Variants in HOMER2 observed in about 807,000 individuals in gnomAD.
HOMER2 encodes homer protein homolog 2.
Under a neutral mutation model 47.0 loss-of-function variants are expected in HOMER2, and 27 were observed. That is an observed-to-expected ratio of 0.57 (90% CI 0.42 to 0.79). HOMER2 has a LOEUF of 0.79. Ranked by LOEUF, HOMER2 falls within the 30% of genes least tolerant of loss-of-function variation. HOMER2 has a pLI of 0.00. For missense variants in HOMER2, 443 were observed against 435.0 expected (o/e 1.02, Z -0.16); for synonymous variants, 161 against 163.8 (o/e 0.98, Z 0.13).
At chr15:82,946,747 C>T (rs1010037966) in intron 1 of HOMER2, among the ~76,000 whole-genome samples, 1 of 152,138 alleles carries the variant, frequency 6.6e-6, no homozygotes, top group Non-Finnish European at 1.5e-5. Context: ...TCATTCACAC[C>T]TATTTACACA....
intron 4 of HOMER2, among the ~76,000 whole-genome samples, chr15:82,860,805 C>T (rs1352862177): frequency 6.6e-6 from 1 of 151,868 alleles, no homozygotes; most frequent in Non-Finnish European, 1.5e-5. Context: ...GACATGGTGG[C>T]AGGCGCCTGT....
chr15:82,933,991 C>T (rs2054079716), intron 1 of HOMER2, among the ~76,000 whole-genome samples: 1 of 152,130 alleles, frequency 6.6e-6, no homozygotes, highest in Non-Finnish European at 1.5e-5. Flanking sequence ...CCGGTCCTTC[C>T]CGCTCCCTAT....
intron 1 of HOMER2, among the ~76,000 whole-genome samples, chr15:82,920,952 C>T (rs1264779130): frequency 2.0e-5 from 3 of 151,478 alleles, no homozygotes; most frequent in African/African-American, 7.3e-5. Context: ...CTAGGAGCTG[C>T]GACTACCACA....
rs864309524 is a variant in HOMER2 at position 82,854,741 on chromosome 15, C to T, written c.554G>A (p.Arg185Gln). Reference sequence around the variant, plus strand: ...CGACTCCTGCAGTGCTGTGGTCAGCCGTGCATTGCTCTCCCGAAGGGTCTG... The same window carrying T: ...CGACTCCTGCAGTGCTGTGGTCAGCTGTGCATTGCTCTCCCGAAGGGTCTG... ...ELQTLRESNA[R>Q]LTTALQESAA... is the part of the protein sequence containing the mutation. Residue 185 changes from arginine (R) to glutamine (Q), a missense_variant, in exon 6 of 9, where the codon CGG becomes CAG. Coordinates refer to ENST00000450735, the MANE Select transcript of HOMER2 (RefSeq NM_004839.4). The T allele has an allele frequency of 3.7e-6, 6 of 1,612,370 alleles. No homozygotes were observed. Among genetic ancestry groups the T allele is most frequent in the South Asian group, 1.1e-5 (1 of 91,078 alleles).
chr15:82,929,721 C>G (rs1455532180), intron 1 of HOMER2, among the ~76,000 whole-genome samples: 1 of 149,646 alleles, frequency 6.7e-6, no homozygotes, highest in Non-Finnish European at 1.5e-5. Context: ...TACAGGTATG[C>G]TAACACAGTT....
At chr15:82,933,843 G>C (rs192229900) in intron 1 of HOMER2, among the ~76,000 whole-genome samples, 2 of 152,058 alleles carry the variant, frequency 1.3e-5, no homozygotes, top group Non-Finnish European at 2.9e-5. Flanking sequence ...TCACACTCAC[G>C]AAAGACCCGC....
chr15:82,931,096 C>T (rs567904418), intron 1 of HOMER2, among the ~76,000 whole-genome samples: 4 of 148,844 alleles, frequency 2.7e-5, no homozygotes, highest in African/African-American at 1.0e-4. Context: ...GAACAAGACA[C>T]TGTATCAAAA....
At chr15:82,897,811 G>T (rs1445868856) in intron 1 of HOMER2, among the ~76,000 whole-genome samples, 1 of 152,180 alleles carries the variant, frequency 6.6e-6, no homozygotes, top group African/African-American at 2.4e-5. Flanking sequence ...GAGCTTGGAA[G>T]CAGATCTTTC....
chr15:82,903,877 C>T (rs2053207501), intron 1 of HOMER2, among the ~76,000 whole-genome samples: 1 of 152,096 alleles, frequency 6.6e-6, no homozygotes, highest in African/African-American at 2.4e-5. Flanking sequence ...TGGCTCATGC[C>T]TGTAATCCCA....
intron 1 of HOMER2, among the ~76,000 whole-genome samples, chr15:82,983,065 A>G (rs2151265463): frequency 6.6e-6 from 1 of 152,346 alleles, no homozygotes; most frequent in African/African-American, 2.4e-5. Context: ...TCTACCAAAC[A>G]TCATAGCTTA....
chr15:82,984,307 C>T (rs561048297), intron 1 of HOMER2, among the ~76,000 whole-genome samples: 17 of 152,256 alleles, frequency 1.1e-4, no homozygotes, highest in African/African-American at 3.9e-4. Context: ...GCTGGGATTA[C>T]AGGCGTGAGC....
At chr15:82,931,957 G>A (rs2054022532) in intron 1 of HOMER2, among the ~76,000 whole-genome samples, 1 of 152,200 alleles carries the variant, frequency 6.6e-6, no homozygotes, top group Non-Finnish European at 1.5e-5. Context: ...TAAATTTACT[G>A]AATCTGATTC....
At chr15:82,974,353 G>A (rs774746928) in intron 1 of HOMER2, among the ~76,000 whole-genome samples, 3 of 151,118 alleles carry the variant, frequency 2.0e-5, no homozygotes, top group African/African-American at 7.3e-5. Flanking sequence ...GCAGTGAGCC[G>A]AGATCGCGCC....
intron 3 of HOMER2, among the ~76,000 whole-genome samples, chr15:82,869,782 A>G (rs145971251): frequency 6.6e-6 from 1 of 152,124 alleles, no homozygotes; most frequent in Non-Finnish European, 1.5e-5. Flanking sequence ...TGATCGCTAC[A>G]TATTACCCTG....
intron 2 of HOMER2, among the ~76,000 whole-genome samples, chr15:82,879,348 T>A (rs79139720): frequency 2.4e-3 from 366 of 152,250 alleles, no homozygotes; most frequent in African/African-American, 8.2e-3. Flanking sequence ...ATACAAAAAT[T>A]AGCAGGGCAT....
rs1017361766 is a variant in HOMER2 at position 82,952,639 on chromosome 15, C to T, written c.-104G>A. On this transcript the variant is annotated 5_prime_UTR_variant, in exon 1 of 9. Transcript: ENST00000450735. ...CGGCACATGCGGCGGCCCGTGCGCG[C>T]CCGGCTCAGCCCCGGCGCCGCTCCA... is the stretch of plus-strand genomic sequence containing the variant. The T allele has an allele frequency of 6.9e-6, 7 of 1,019,688 alleles. No homozygotes were observed. In the African/African-American group the frequency reaches 6.9e-5, roughly 10 times the overall value. The allele number at this position is 1,019,688 out of a possible 1,614,324, so 63.2% of individuals were successfully genotyped here. A position where few individuals can be genotyped will look rare whatever the true frequency, so the allele number is the denominator to read the frequency against.
chr15:82,928,960 A>AAAAAAAAAAAAAAAAAAACTT, intron 1 of HOMER2, among the ~76,000 whole-genome samples: 1 of 148,850 alleles, frequency 6.7e-6, no homozygotes, highest in African/African-American at 2.5e-5. Context: ...AAAAAAAAAA[A>AAAAAAAAAAAAAAAAAAACTT]GCTGTCATGC....
chr15:82,852,121 G>T (rs1287357552), intron 7 of HOMER2, 21 bp downstream of exon 7: 3 of 1,577,696 alleles, frequency 1.9e-6, no homozygotes, highest in Non-Finnish European at 2.6e-6. Context: ...AAGGGGCCCT[G>T]CTCGGAGCAC....
At chr15:82,954,284 ATTTTAT>A (rs1365607652), upstream of HOMER2, among the ~76,000 whole-genome samples, 5 of 151,720 alleles carry the variant, frequency 3.3e-5, no homozygotes, top group African/African-American at 9.7e-5. Flanking sequence ...TTTCATTTTT[ATTTTAT>A]TTTTATTATT....
Sources: allele counts gnomAD v4.1 joint callset (sites outside exome capture counted in the v4.1 genomes callset), GRCh38; gene constraint gnomAD v4.1.1; transcripts MANE v1.5; gene names NCBI Gene and HGNC (gene_info 2026-07-23, HGNC 2026-07-21).